The following CACNB2 variants were observed in gnomAD, a reference collection of about 807,000 sequenced individuals.
The protein encoded by CACNB2 is voltage-dependent L-type calcium channel subunit beta-2.
Under a neutral mutation model 73.3 loss-of-function variants are expected in CACNB2, and 42 were observed. The ratio of observed to expected loss-of-function variants is 0.57; its 90% CI spans 0.45 to 0.74. The LOEUF (loss-of-function observed/expected upper bound fraction) is 0.74, where lower values mean the gene tolerates loss of function less well. CACNB2 is among the 30% of genes least tolerant of loss of function. CACNB2 has a pLI of 0.00. For synonymous variants in CACNB2, 348 were observed against 310.3 expected, an observed-to-expected ratio of 1.12 and a Z score of -1.28; for missense variants, 940 against 853.0, an observed-to-expected ratio of 1.10 and a Z score of -1.27.
chr10:18,261,261 C>G (rs1352325862), intron 2 of CACNB2: 2 of 1,551,058 alleles, frequency 1.3e-6, no homozygotes, highest in African/African-American at 2.7e-5. Context: ...TGCGTTCTGC[C>G]CCCTCTTCAT....
Position 18,227,326 on chromosome 10 carries a change from G to A in CACNB2, c.213+76351G>A, listed in dbSNP as rs74614006. Among the ~76,000 whole-genome samples, 337 of 152,196 alleles carry A rather than the reference G, an allele frequency of 2.2e-3. 4 individuals are homozygous for A. In the East Asian group the frequency reaches 0.051, roughly 23 times the overall value. On this transcript the variant is annotated intron_variant, in intron 2 of 13. Transcript: ENST00000324631. Reference sequence around the variant, plus strand: ...GCCCCTGGTTGCTGGATGGCCAGGGGGAGGATTTGGTGTGGGCTGGGGAGT... The same window carrying A: ...GCCCCTGGTTGCTGGATGGCCAGGGAGAGGATTTGGTGTGGGCTGGGGAGT...
At chr10:18,468,377 C>T (rs975608154) in intron 3 of CACNB2, among the ~76,000 whole-genome samples, 1 of 152,092 alleles carries the variant, frequency 6.6e-6, no homozygotes, top group Non-Finnish European at 1.5e-5. Flanking sequence ...AGGAGAATCG[C>T]TTGAGCCTGG....
chr10:18,232,764 C>T (rs2036270218), intron 2 of CACNB2, among the ~76,000 whole-genome samples: 1 of 152,132 alleles, frequency 6.6e-6, no homozygotes, highest in Non-Finnish European at 1.5e-5. Flanking sequence ...TCGTTACAAG[C>T]ATAAGTCCAA....
At chr10:18,440,651 G>T (rs925015365) in intron 3 of CACNB2, among the ~76,000 whole-genome samples, 3 of 147,910 alleles carry the variant, frequency 2.0e-5, no homozygotes, top group Admixed American at 6.7e-5. Flanking sequence ...CCACCCCCCA[G>T]AGAAAAGCTT....
intron 12 of CACNB2, among the ~76,000 whole-genome samples, chr10:18,536,678 G>GTGTT (rs931899756): frequency 3.3e-5 from 5 of 152,150 alleles, no homozygotes; most frequent in African/African-American, 1.2e-4. Flanking sequence ...CCATGATCAT[G>GTGTT]TGTTTTGAGC....
At chr10:18,165,475 C>T (rs541182280) in intron 2 of CACNB2, among the ~76,000 whole-genome samples, 6 of 152,348 alleles carry the variant, frequency 3.9e-5, no homozygotes, top group African/African-American at 9.6e-5. Flanking sequence ...TGCAAAGGCA[C>T]GATCTCGGCT....
intron 3 of CACNB2, among the ~76,000 whole-genome samples, chr10:18,448,494 A>AG (rs1292998811): frequency 4.6e-5 from 7 of 151,346 alleles, no homozygotes; most frequent in Non-Finnish European, 8.8e-5. Context: ...AAAAAAAAAA[A>AG]AAAAAAAGAA....
At chr10:18,412,751 A>C (rs551666776) in intron 3 of CACNB2, among the ~76,000 whole-genome samples, 1 of 152,316 alleles carries the variant, frequency 6.6e-6, no homozygotes, top group African/African-American at 2.4e-5. Context: ...GTGGAAGTCC[A>C]TTCAACCAAA....
At chr10:18,165,111 A>C (rs2032756754) in intron 2 of CACNB2, among the ~76,000 whole-genome samples, 1 of 152,182 alleles carries the variant, frequency 6.6e-6, no homozygotes, top group African/African-American at 2.4e-5. Flanking sequence ...TGTGGTGGGT[A>C]CACGGGGAGG....
intron 3 of CACNB2, among the ~76,000 whole-genome samples, chr10:18,439,234 G>A (rs2046299007): frequency 6.6e-6 from 1 of 152,208 alleles, no homozygotes; most frequent in South Asian, 2.1e-4. Context: ...TTGCAGGAAG[G>A]TGACTAGGAA....
At chr10:18,519,366 C>T (rs111562594) in intron 9 of CACNB2, among the ~76,000 whole-genome samples, 4 of 152,206 alleles carry the variant, frequency 2.6e-5, no homozygotes, top group Non-Finnish European at 5.9e-5. Context: ...TCTCATCTCA[C>T]GCTCCCCCAG....
In CACNB2 at chr10:18,540,292, A is replaced by AATGTT. The variant is rs1318945784; in HGVS notation, c.*571_*575dup. The AATGTT allele has an allele frequency of 7.1e-6, 1 of 140,508 alleles. No individual in the cohort carries two copies. Among genetic ancestry groups the AATGTT allele is most frequent in the African/African-American group, 2.6e-5 (1 of 37,782 alleles). The allele number at this position is 140,508 out of a possible 1,614,324, so 8.7% of individuals were successfully genotyped here. ...CTGTGTACTGTATAGACAGTTTGTA[A>AATGTT]ATGTTATTTCTGCAAACAAACACCT... On this transcript the variant is annotated 3_prime_UTR_variant, in exon 14 of 14. Coordinates refer to ENST00000324631, the MANE Select transcript of CACNB2 (RefSeq NM_201596.3).
intron 2 of CACNB2, among the ~76,000 whole-genome samples, chr10:18,313,112 G>A (rs1439117791): frequency 6.6e-6 from 1 of 151,844 alleles, no homozygotes; most frequent in African/African-American, 2.4e-5. Context: ...ATAAAGAACT[G>A]TCCCTAAAAA....
intron 2 of CACNB2, among the ~76,000 whole-genome samples, chr10:18,371,206 TTTG>T (rs1487827381): frequency 7.4e-6 from 1 of 134,614 alleles, no homozygotes; most frequent in East Asian, 3.5e-4. Flanking sequence ...CTGTTTTTAT[TTTG>T]TTTTTTTTAA....
chr10:18,328,191 AGAG>A (rs1393580353), intron 2 of CACNB2, among the ~76,000 whole-genome samples: 2 of 152,202 alleles, frequency 1.3e-5, no homozygotes, highest in Non-Finnish European at 2.9e-5. Context: ...TGCAGAGAAA[AGAG>A]GAGAATTTAC....
intron 2 of CACNB2, among the ~76,000 whole-genome samples, chr10:18,321,239 C>T (rs1407905839): frequency 6.6e-6 from 1 of 152,176 alleles, no homozygotes; most frequent in Non-Finnish European, 1.5e-5. Flanking sequence ...CTTCCCTCCA[C>T]CTCCAACTGA....
chr10:18,503,834 A>AT (rs747536242), intron 5 of CACNB2, among the ~76,000 whole-genome samples: 12 of 152,132 alleles, frequency 7.9e-5, no homozygotes, highest in African/African-American at 1.9e-4. Context: ...TTACTTCAGG[A>AT]TTTTTTTATA....
chr10:18,366,738 G>A (rs1168775535), intron 2 of CACNB2, among the ~76,000 whole-genome samples: 2 of 151,846 alleles, frequency 1.3e-5, no homozygotes, highest in African/African-American at 4.8e-5. Flanking sequence ...TGCAGCGAGC[G>A]GACATTGTGC....
Position 18,539,557 on chromosome 10 carries a change from C to A in CACNB2, c.1816C>A (p.Arg606=). The A allele has an allele frequency of 6.2e-7, 1 of 1,613,714 alleles. No homozygotes were observed. Among genetic ancestry groups the A allele is most frequent in the Non-Finnish European group, 8.5e-7 (1 of 1,179,940 alleles). ...GSSDHRHRES[R]HRSRDVDREQ... ...CAGTGACCACAGACACAGGGAGTCCCGGCACCGTTCCCGGGACGTGGATCG... is the reference window on the plus strand; with the variant it reads ...CAGTGACCACAGACACAGGGAGTCCAGGCACCGTTCCCGGGACGTGGATCG... The change falls in exon 14 of 14, where the codon CGG becomes AGG. Residue 606 remains arginine (R), a synonymous_variant. Coordinates refer to ENST00000324631, the MANE Select transcript of CACNB2 (RefSeq NM_201596.3).
Sources: allele counts gnomAD v4.1 joint callset (sites outside exome capture counted in the v4.1 genomes callset), GRCh38; gene constraint gnomAD v4.1.1; transcripts MANE v1.5; gene names NCBI Gene and HGNC (gene_info 2026-07-23, HGNC 2026-07-21).